Variants in BRF1 observed in about 807,000 individuals in gnomAD.
BRF1 encodes BRF1 general transcription factor IIIB subunit.
In BRF1, 59 loss-of-function variants were observed where a neutral mutation model predicts 81.7. That is an observed-to-expected ratio of 0.72 (90% CI 0.59 to 0.90). The LOEUF (loss-of-function observed/expected upper bound fraction) is 0.90, where lower values mean the gene tolerates loss of function less well. Ranked by LOEUF, BRF1 falls within the 40% of genes least tolerant of loss-of-function variation. The pLI is 0.00. For missense variants in BRF1, 1,050 were observed against 936.3 expected (o/e 1.12, Z -1.58); for synonymous variants, 491 against 395.6 (o/e 1.24, Z -2.86).
At chr14:105,262,647 C>T (rs1010714819) in intron 3 of BRF1, among the ~76,000 whole-genome samples, 1 of 152,190 alleles carries the variant, frequency 6.6e-6, no homozygotes, top group African/African-American at 2.4e-5. Flanking sequence ...GAGCTGGGAG[C>T]CTGGCTCTGT....
intron 5 of BRF1, among the ~76,000 whole-genome samples, chr14:105,243,454 TAA>T (rs1286861012): frequency 2.4e-5 from 3 of 125,462 alleles, no homozygotes; most frequent in East Asian, 4.3e-4. Context: ...CTCTGTCTCT[TAA>T]AAAAAAAAAA....
intron 10 of BRF1, among the ~76,000 whole-genome samples, chr14:105,225,257 C>CAAAAT (rs1892899788): frequency 6.6e-6 from 1 of 152,220 alleles, no homozygotes; most frequent in Non-Finnish European, 1.5e-5. Flanking sequence ...AGTGAAAATA[C>CAAAAT]ACAGTACAGA....
chr14:105,248,595 GC>G (rs1450652005), intron 5 of BRF1: 7 of 958,780 alleles, frequency 7.3e-6, no homozygotes, highest in Middle Eastern at 5.3e-4. Flanking sequence ...GCGGGACGGC[GC>G]CCCCCGCGGC....
In BRF1 at chr14:105,310,159, T is replaced by G. The variant is rs1595525279; in HGVS notation, c.-162+5163A>C. Among the ~76,000 whole-genome samples the G allele has an allele frequency of 3.3e-5, 5 of 152,170 alleles. No individual in the cohort carries two copies. The South Asian group carries it at 1.0e-3, about 32-fold the overall frequency. On this transcript the variant is annotated intron_variant, in intron 1 of 17. Coordinates refer to the BRF1 transcript ENST00000327359. ...CACTTATTCTTTTGTGAATCTTTTGTAGCTTCTCTAACCATTTTCCACTGG... is the reference window on the plus strand; with the variant it reads ...CACTTATTCTTTTGTGAATCTTTTGGAGCTTCTCTAACCATTTTCCACTGG...
chr14:105,250,159 C>G, intron 5 of BRF1: 1 of 1,612,984 alleles, frequency 6.2e-7, no homozygotes, highest in Non-Finnish European at 8.5e-7. Context: ...TCCTGTGGTA[C>G]ACGGCCACCA....
At chr14:105,256,457 TGGTCACAACCCCCA>T (rs761488730) in intron 4 of BRF1, 47 bp downstream of exon 4, 16 of 1,613,782 alleles carry the variant, frequency 9.9e-6, no homozygotes, top group East Asian at 2.2e-5. Context: ...GTCACAACCC[TGGTCACAACCCCCA>T]GGTCACAACC....
chr14:105,270,350 T>G (rs2140395020), intron 3 of BRF1, among the ~76,000 whole-genome samples: 2 of 152,064 alleles, frequency 1.3e-5, no homozygotes, highest in African/African-American at 4.8e-5. Flanking sequence ...ATTTTTTTTG[T>G]ATTTTTAGTA....
In BRF1 at chr14:105,245,754, T is replaced by C. The variant is rs8010223; in HGVS notation, c.545-4340A>G. Among the ~76,000 whole-genome samples the C allele has an allele frequency of 9.1e-3, 1,388 of 152,198 alleles. 10 individuals carry two copies. The highest frequency in any genetic ancestry group is 0.014 in the Non-Finnish European group (941 of 68,022). On this transcript the variant is annotated intron_variant, in intron 5 of 17. Coordinates refer to ENST00000547530, the MANE Select transcript of BRF1 (RefSeq NM_001519.4). ...AATAAAGATAGACCCTTACCTTACATCATACACAAAAACTAACTCAAAACC... is the reference window on the plus strand; with the variant it reads ...AATAAAGATAGACCCTTACCTTACACCATACACAAAAACTAACTCAAAACC...
intron 2 of BRF1, 135 bp downstream of exon 2, chr14:105,286,160 TG>T (rs1357539906): frequency 3.0e-6 from 3 of 1,003,332 alleles, no homozygotes; most frequent in Non-Finnish European, 4.5e-6. Flanking sequence ...GAAAGCAGCC[TG>T]GGCTGGGCGT....
At chr14:105,220,222 G>C in intron 11 of BRF1, 92 bp from the exon 12 acceptor site, 1 of 1,462,540 alleles carries the variant, frequency 6.8e-7, no homozygotes, top group Non-Finnish European at 9.5e-7. Flanking sequence ...CCCTGGGTCT[G>C]GGCTAAGGGC....
Position 105,226,509 on chromosome 14 carries a change from T to C in BRF1, c.915+125A>G, listed in dbSNP as rs117365475. On this transcript the variant is annotated intron_variant, in intron 8 of 17. Transcript: ENST00000547530. ...CGGAGCCTCGGGCTCTGGCTGGTCA[T>C]AGCACTGAAGAGCGGCTATGAGGCT... 1.6e-3 allele frequency: 2,429 copies of C among 1,536,330 alleles called. 38 individuals carry two copies. In the East Asian group the frequency reaches 0.024, roughly 15 times the overall value.
rs766417180 is a variant in BRF1 at position 105,217,642 on chromosome 14, A to G, written c.1674T>C (p.Asp558=). 6.8e-6 allele frequency: 11 copies of G among 1,613,166 alleles called. 1 individual carries two copies. The highest frequency in any genetic ancestry group is 5.5e-5 in the South Asian group (5 of 91,082). The change falls in exon 15 of 18, where the codon GAT becomes GAC. Residue 558 remains aspartate (D), a synonymous_variant. Transcript: ENST00000547530. ...SAGGGSPHRE[D]AQPEHSASAR... Reference sequence around the variant, plus strand: ...CACTGGCGCTATGCTCGGGCTGTGCATCCTCCCTGTGCGGACTGCCCCCGC... The same window carrying G: ...CACTGGCGCTATGCTCGGGCTGTGCGTCCTCCCTGTGCGGACTGCCCCCGC...
intron 1 of BRF1, among the ~76,000 whole-genome samples, chr14:105,296,884 G>A (rs587610092): frequency 5.3e-5 from 8 of 152,198 alleles, no homozygotes; most frequent in East Asian, 1.9e-4. Flanking sequence ...GGCCAGGCAC[G>A]GCAGCTCATG....
upstream of BRF1, among the ~76,000 whole-genome samples, chr14:105,301,531 C>CT (rs2140609598): frequency 6.6e-6 from 1 of 152,270 alleles, no homozygotes; most frequent in African/African-American, 2.4e-5. Context: ...GGCAGCTGCG[C>CT]TGGGGGGCCT....
Position 105,228,905 on chromosome 14 carries a change from C to G in BRF1, c.703G>C (p.Val235Leu), listed in dbSNP as rs765768932. The stretch of plus-strand genomic sequence containing the variant: ...CTGAAGTCATGCATTCTGGCTGCAA[C>G]CAGGAGCGCTGGAAGGCAACGAGAC... Reference protein sequence around the residue: ...PSGLCGAALLVAARMHDFRRT... With the variant: ...PSGLCGAALLLAARMHDFRRT... The change falls in exon 7 of 18, where the codon GTT becomes CTT. Residue 235 changes from valine to leucine, a missense_variant. Around this residue, in one of 2 missense-constraint regions of BRF1, gnomAD observed 1,043 missense variants for 915.4 expected, o/e 1.14. Transcript: ENST00000547530. 1.2e-6 allele frequency: 2 copies of G among 1,613,590 alleles called. No homozygotes were observed. Among genetic ancestry groups the G allele is most frequent in the East Asian group, 2.2e-5 (1 of 44,884 alleles).
At chr14:105,219,973 G>A in intron 12 of BRF1, 96 bp downstream of exon 12, 1 of 1,411,294 alleles carries the variant, frequency 7.1e-7, no homozygotes, top group Non-Finnish European at 9.8e-7. Flanking sequence ...GCTCTGGGCA[G>A]GGGAGGTGGC....
intron 2 of BRF1, among the ~76,000 whole-genome samples, chr14:105,273,269 T>C (rs1391034042): frequency 6.6e-6 from 1 of 152,178 alleles, no homozygotes; most frequent in African/African-American, 2.4e-5. Flanking sequence ...GAATGCCCCT[T>C]TTCCTACAGC....
intron 5 of BRF1, chr14:105,246,771 T>C: frequency 1.0e-6 from 1 of 978,830 alleles, no homozygotes; most frequent in Non-Finnish European, 1.2e-6. Flanking sequence ...CTGTAACATA[T>C]TTAAAAATCA....
At chr14:105,260,332 C>T (rs907213122) in intron 3 of BRF1, among the ~76,000 whole-genome samples, 2 of 151,726 alleles carry the variant, frequency 1.3e-5, no homozygotes, top group South Asian at 2.1e-4. Flanking sequence ...CAGGTGTGAG[C>T]GAGGGGACTC....
Sources: allele counts gnomAD v4.1 joint callset (sites outside exome capture counted in the v4.1 genomes callset), GRCh38; gene constraint gnomAD v4.1.1; regional missense constraint gnomAD v4.1.1; transcripts MANE v1.5; gene names NCBI Gene and HGNC (gene_info 2026-07-23, HGNC 2026-07-21).